The following TIAM1 variants were observed in gnomAD, a reference collection of about 807,000 sequenced individuals.
TIAM1 encodes rho guanine nucleotide exchange factor TIAM1.
In TIAM1, 65 loss-of-function variants were observed where a neutral mutation model predicts 163.5. The ratio of observed to expected loss-of-function variants is 0.40; its 90% confidence interval spans 0.33 to 0.49. The LOEUF (loss-of-function observed/expected upper bound fraction) is 0.49, where lower values mean the gene tolerates loss of function less well. Among genes scored for constraint, TIAM1 ranks in the 20% least tolerant of loss-of-function variants. The pLI is 0.77. For missense variants in TIAM1, 1,789 were observed against 2,044.7 expected (o/e 0.87, Z 2.41); for synonymous variants, 833 against 810.1 (o/e 1.03, Z -0.48).
At chr21:31,255,362 A>G (rs4816392) in intron 4 of TIAM1, among the ~76,000 whole-genome samples, 140,040 of 152,224 alleles carry the variant, frequency 0.92, 64,466 homozygotes, top group East Asian at 0.99. Flanking sequence ...CAGTCATGAA[A>G]CTTGGGATGT....
chr21:31,264,212 T>C (rs75479172), intron 4 of TIAM1, among the ~76,000 whole-genome samples: 1,675 of 152,306 alleles, frequency 0.011, 15 homozygotes, highest in Non-Finnish European at 0.017. Context: ...TGGGCTTCTA[T>C]TGAACCCATC....
chr21:31,145,391 C>A (rs2083064181), intron 20 of TIAM1, among the ~76,000 whole-genome samples: 1 of 152,222 alleles, frequency 6.6e-6, no homozygotes, highest in African/African-American at 2.4e-5. Flanking sequence ...GGGACCTGAT[C>A]AGCAGCTGTT....
At chr21:31,232,699 G>A (rs997949142) in intron 6 of TIAM1, among the ~76,000 whole-genome samples, 4 of 152,082 alleles carry the variant, frequency 2.6e-5, no homozygotes, top group African/African-American at 9.7e-5. Flanking sequence ...TCCCCTTCTT[G>A]AACCGGGCAA....
At chr21:31,121,923 G>A (rs2082016681) in intron 27 of TIAM1, among the ~76,000 whole-genome samples, 1 of 152,206 alleles carries the variant, frequency 6.6e-6, no homozygotes, top group Admixed American at 6.5e-5. Flanking sequence ...ATGCAACACG[G>A]GCTTTCCAGT....
At chr21:31,509,896 G>C (rs1001775844) in intron 1 of TIAM1, among the ~76,000 whole-genome samples, 1 of 152,168 alleles carries the variant, frequency 6.6e-6, no homozygotes, top group Non-Finnish European at 1.5e-5. Flanking sequence ...TCCCCACCAC[G>C]AGAGTGTGTT....
At chr21:31,423,401 C>T (rs1253399875) in intron 2 of TIAM1, among the ~76,000 whole-genome samples, 1 of 152,024 alleles carries the variant, frequency 6.6e-6, no homozygotes, top group Non-Finnish European at 1.5e-5. Flanking sequence ...CCCAGCCTGG[C>T]ACTATCTTGA....
At position 31,398,715 on chromosome 21, in the gene TIAM1, A is replaced by G. The variant is rs146566510; in HGVS notation, c.-368-59293T>C. Among the ~76,000 whole-genome samples the G allele has an allele frequency of 7.9e-5, 12 of 152,396 alleles. No individual in the cohort carries two copies. In the East Asian group the frequency reaches 1.9e-3, roughly 24 times the overall value. On this transcript the variant is annotated intron_variant, in intron 2 of 28. Transcript: ENST00000286827. ...TAACAAGGGCATTAGCCACTTTGAT[A>G]AATATCTAAGCAGGCTTCCGTCTGT... is the stretch of plus-strand genomic sequence containing the variant.
At chr21:31,259,943 T>C (rs1332086708) in intron 4 of TIAM1, among the ~76,000 whole-genome samples, 2 of 151,366 alleles carry the variant, frequency 1.3e-5, no homozygotes, top group Non-Finnish European at 2.9e-5. Flanking sequence ...GAATAAAATA[T>C]TGTATTACTT....
At chr21:31,267,082 C>G in intron 3 of TIAM1, 99 bp from the exon 4 acceptor site, 1 of 1,477,320 alleles carries the variant, frequency 6.8e-7, no homozygotes, top group Non-Finnish European at 9.0e-7. Context: ...GGCAGAACAC[C>G]TTGGCTCACA....
At chr21:31,296,158 G>A (rs2074256531) in intron 2 of TIAM1, among the ~76,000 whole-genome samples, 1 of 152,082 alleles carries the variant, frequency 6.6e-6, no homozygotes. Flanking sequence ...GATCATTTTG[G>A]TATACTATTT....
chr21:31,404,350 G>C (rs558638443), intron 2 of TIAM1, among the ~76,000 whole-genome samples: 1 of 152,294 alleles, frequency 6.6e-6, no homozygotes, highest in African/African-American at 2.4e-5. Flanking sequence ...TCAACTGTTT[G>C]CCGTGTTAAA....
chr21:31,496,801 A>G (rs1016984135), intron 1 of TIAM1, among the ~76,000 whole-genome samples: 9 of 150,670 alleles, frequency 6.0e-5, no homozygotes, highest in Middle Eastern at 3.2e-3. Flanking sequence ...TTTCTCTTTC[A>G]TTCTGTATTT....
chr21:31,523,682 G>A (rs1460211856), intron 1 of TIAM1, among the ~76,000 whole-genome samples: 2 of 152,114 alleles, frequency 1.3e-5, no homozygotes, highest in Non-Finnish European at 2.9e-5. Flanking sequence ...CCAGCACTTT[G>A]GGAGGCCAAG....
chr21:31,460,117 C>T (rs1258878324), intron 2 of TIAM1, among the ~76,000 whole-genome samples: 5 of 152,172 alleles, frequency 3.3e-5, no homozygotes, highest in African/African-American at 1.2e-4. Flanking sequence ...TAGACTCCAA[C>T]TCCCCAGGAA....
chr21:31,297,336 T>C (rs2146941863), intron 2 of TIAM1, among the ~76,000 whole-genome samples: 1 of 152,314 alleles, frequency 6.6e-6, no homozygotes, highest in East Asian at 1.9e-4. Flanking sequence ...TACACAGTTT[T>C]GGTTCTGCAA....
intron 16 of TIAM1, among the ~76,000 whole-genome samples, chr21:31,156,437 C>T (rs1568936154): frequency 6.6e-6 from 1 of 152,112 alleles, no homozygotes; most frequent in African/African-American, 2.4e-5. Context: ...CCAAAATGGG[C>T]TCAGCTCTAT....
intron 2 of TIAM1, among the ~76,000 whole-genome samples, chr21:31,393,815 T>A (rs757379899): frequency 6.6e-6 from 1 of 152,198 alleles, no homozygotes. Flanking sequence ...CTGACTGTTA[T>A]ACTATATAAT....
chr21:31,327,106 A>C (rs1175861515), intron 2 of TIAM1, among the ~76,000 whole-genome samples: 1 of 152,212 alleles, frequency 6.6e-6, no homozygotes, highest in Non-Finnish European at 1.5e-5. Flanking sequence ...AGCCTGAGCC[A>C]AAAAGGGAAG....
intron 2 of TIAM1, among the ~76,000 whole-genome samples, chr21:31,451,761 G>GAC (rs1491553645): frequency 9.1e-5 from 11 of 120,564 alleles, no homozygotes; most frequent in Admixed American, 7.2e-4. Context: ...GTGTGTGTGT[G>GAC]AGACACAGAG....
Sources: allele counts gnomAD v4.1 joint callset (sites outside exome capture counted in the v4.1 genomes callset), GRCh38; gene constraint gnomAD v4.1.1; transcripts MANE v1.5; gene names NCBI Gene and HGNC (gene_info 2026-07-23, HGNC 2026-07-21).